Variants in OSCP1 observed in about 807,000 individuals in gnomAD.
OSCP1 encodes organic solute carrier partner 1, also known as protein OSCP1.
A neutral mutation model predicts 45.1 loss-of-function variants in OSCP1; 35 were observed. That is an observed-to-expected ratio of 0.78 (90% confidence interval 0.59 to 1.03). OSCP1 has a LOEUF of 1.03. Among genes scored for constraint, OSCP1 ranks in the 50% least tolerant of loss-of-function variants. The pLI is 0.00. For synonymous variants in OSCP1, 179 were observed against 180.1 expected, an observed-to-expected ratio of 0.99 and a Z score of 0.05; for missense variants, 400 against 470.7, an observed-to-expected ratio of 0.85 and a Z score of 1.39.
At chr1:36,442,078 T>G (rs917472941) in intron 1 of OSCP1, among the ~76,000 whole-genome samples, 3 of 151,910 alleles carry the variant, frequency 2.0e-5, no homozygotes, top group Non-Finnish European at 4.4e-5. Flanking sequence ...AAATACAAAA[T>G]TAGCCAGGCG....
rs1649054120 is a variant in OSCP1 at position 36,440,403 on chromosome 1, G to A, written c.113-1493C>T. 2.6e-5 allele frequency among the ~76,000 whole-genome samples: 4 copies of A among 152,136 alleles called. No homozygotes were observed. In the South Asian group the frequency reaches 6.2e-4, roughly 24 times the overall value. ...ATACATCCCCAACACACACACCCCC[G>A]GTGACACAAATGAACTGACTGTGGC... On this transcript the variant is annotated intron_variant, in intron 1 of 9. Transcript: ENST00000235532.
At chr1:36,426,644 G>T (rs1647979348) in intron 4 of OSCP1, among the ~76,000 whole-genome samples, 4 of 152,110 alleles carry the variant, frequency 2.6e-5, no homozygotes, top group African/African-American at 9.7e-5. Flanking sequence ...ACTGTTTTCT[G>T]CCTGCCCCAC....
chr1:36,441,104 G>C (rs1557565333), intron 1 of OSCP1: 1 of 152,236 alleles, frequency 6.6e-6, no homozygotes, highest in Non-Finnish European at 1.5e-5. Context: ...CATGGCTCCT[G>C]GCGCCAGCAT....
chr1:36,446,797 C>T (rs973694906), intron 1 of OSCP1, among the ~76,000 whole-genome samples: 1 of 152,196 alleles, frequency 6.6e-6, no homozygotes, highest in African/African-American at 2.4e-5. Flanking sequence ...CCTCAGTTTC[C>T]TCTCCTGTAA....
intron 4 of OSCP1, among the ~76,000 whole-genome samples, chr1:36,431,382 A>AGGGAT (rs1451349732): frequency 6.6e-6 from 1 of 151,950 alleles, no homozygotes; most frequent in African/African-American, 2.4e-5. Context: ...AGGGAAGGGA[A>AGGGAT]GCCCAGGATG....
rs1311113422 is a variant in OSCP1, at chr1:36,441,700, G to A, written c.113-2790C>T. On this transcript the variant is annotated intron_variant, in intron 1 of 9. Coordinates refer to ENST00000235532, the MANE Select transcript of OSCP1 (RefSeq NM_145047.5). ...CGGGAGGCGGAGCTTGCGGTGAACC[G>A]AGATCGCGCCACTGAACTCCAGCCT... 6.7e-5 allele frequency among the ~76,000 whole-genome samples: 9 copies of A among 133,924 alleles called. No homozygotes were observed. The East Asian group carries it at 2.0e-3, about 30-fold the overall frequency. 87.9% of individuals were successfully genotyped at this position (133,924 alleles called of 152,430 possible).
chr1:36,423,542 C>G, intron 4 of OSCP1, 76 bp from the exon 5 acceptor site: 1 of 1,203,714 alleles, frequency 8.3e-7, no homozygotes, highest in Non-Finnish European at 1.2e-6. Flanking sequence ...GTGGAAAGTG[C>G]GTAATGGTTT....
intron 8 of OSCP1, 144 bp from the exon 9 acceptor site, chr1:36,419,198 A>C (rs1388003084): frequency 2.7e-6 from 2 of 727,540 alleles, no homozygotes; most frequent in Non-Finnish European, 4.9e-6. Context: ...TCTCCCACCA[A>C]TGTACCCTAC....
intron 4 of OSCP1, among the ~76,000 whole-genome samples, chr1:36,427,018 T>TG (rs1648006319): frequency 6.6e-6 from 1 of 150,610 alleles, no homozygotes. Flanking sequence ...TTTTTTTTTT[T>TG]GAGATGGAGT....
rs367886402 is a variant in OSCP1, at chr1:36,447,111, C to T, written c.112+3147G>A. On this transcript the variant is annotated intron_variant, in intron 1 of 9. Transcript: ENST00000235532. This position sits in a 1 kb window ranked among gnomAD's most constrained non-coding sequence, Gnocchi z 4.1. ...GAAATATGATTTCCACTCAAAGCTT[C>T]GAAGAGGACTAGTTTACCAAGTCTA... Among the ~76,000 whole-genome samples the T allele has an allele frequency of 2.0e-5, 3 of 152,072 alleles. No individual in the cohort carries two copies. The highest frequency in any genetic ancestry group is 1.9e-4 in the East Asian group (1 of 5,200).
rs151147935 is a variant in OSCP1, at chr1:36,418,185, C to G, written c.1094G>C (p.Ser365Thr). Reference sequence around the variant, plus strand: ...GAGCAAATCGTCCCCTTTGCTGGTGCTCAGCCTTGGCTGCTCCGTGATCTC... The same window carrying G: ...GAGCAAATCGTCCCCTTTGCTGGTGGTCAGCCTTGGCTGCTCCGTGATCTC... ...EFEITEQPRL[S>T]TSKGDDLLAM... Residue 365 changes from serine to threonine, a missense_variant, in exon 10 of 10, where the codon AGC (serine) becomes ACC (threonine). Transcript: ENST00000235532. 1.2e-6 allele frequency: 2 copies of G among 1,614,218 alleles called. No homozygotes were observed. The highest frequency in any genetic ancestry group is 1.7e-6 in the Non-Finnish European group (2 of 1,180,036).
chr1:36,447,566 C>A lies in OSCP1; in HGVS notation c.112+2692G>T, dbSNP rs1256259797. Among the ~76,000 whole-genome samples, 1 of 152,182 alleles carries A rather than the reference C, an allele frequency of 6.6e-6. No homozygotes were observed. Among genetic ancestry groups the A allele is most frequent in the Non-Finnish European group, 1.5e-5 (1 of 68,026 alleles). ...CATTGGCTGAGTATGAACTTTGGAG[C>A]CTGATGCCTTGGGCTCAAATCCTTT... On this transcript the variant is annotated intron_variant, in intron 1 of 9. Coordinates refer to ENST00000235532, the MANE Select transcript of OSCP1 (RefSeq NM_145047.5). This position sits in a 1 kb window ranked among gnomAD's most constrained non-coding sequence, Gnocchi z 4.1.
chr1:36,419,556 C>T (rs1647485956), intron 8 of OSCP1, among the ~76,000 whole-genome samples: 1 of 152,230 alleles, frequency 6.6e-6, no homozygotes, highest in South Asian at 2.1e-4. Context: ...GACACTCACG[C>T]CAAATACTTG....
intron 2 of OSCP1, among the ~76,000 whole-genome samples, chr1:36,435,671 T>C (rs532164753): frequency 6.6e-6 from 1 of 152,170 alleles, no homozygotes; most frequent in Non-Finnish European, 1.5e-5. Flanking sequence ...TTGCTCTTTT[T>C]GCCCAGGCTG....
intron 1 of OSCP1, among the ~76,000 whole-genome samples, chr1:36,446,649 T>C (rs905472100): frequency 6.6e-6 from 1 of 152,132 alleles, no homozygotes; most frequent in Non-Finnish European, 1.5e-5. Context: ...CTGTTTTGAG[T>C]GGGGGCAGGC....
chr1:36,418,762 CA>C (rs34581789), intron 9 of OSCP1, among the ~76,000 whole-genome samples: 73,227 of 136,544 alleles, frequency 0.54, 19,080 homozygotes, highest in Middle Eastern at 0.68. Context: ...ACTAAAAATA[CA>C]AAAAAAAAAA....
At position 36,432,710 on chromosome 1, in the gene OSCP1, G is replaced by A. The variant is rs1648455868; in HGVS notation, c.268-121C>T. 11 of 1,122,758 alleles carry A rather than the reference G, an allele frequency of 9.8e-6. 1 individual carries two copies. The highest frequency in any genetic ancestry group is 9.2e-5 in the South Asian group (7 of 75,984). 69.5% of individuals were successfully genotyped at this position (1,122,758 alleles called of 1,614,324 possible). On this transcript the variant is annotated intron_variant, in intron 2 of 9. Transcript: ENST00000235532. ...CAACTCTGGGCTTGCCATACAGCTC[G>A]GGGGACCATATCACTTATCACCCAA... is the stretch of plus-strand genomic sequence containing the variant.
chr1:36,417,991 C>G lies in OSCP1; in HGVS notation c.*148G>C. ...GTGAGTGCTCCTCAAGGGAGACTCA[C>G]ACAGTTCCTTACAACATAAATAAGA... On this transcript the variant is annotated 3_prime_UTR_variant, in exon 10 of 10. Transcript: ENST00000235532. 1 of 612,090 alleles carries G rather than the reference C, an allele frequency of 1.6e-6. No individual in the cohort carries two copies. The highest frequency in any genetic ancestry group is 2.8e-6 in the Non-Finnish European group (1 of 351,258). 37.9% of individuals were successfully genotyped at this position (612,090 alleles called of 1,614,324 possible).
chr1:36,423,501 G>A, intron 4 of OSCP1, 35 bp from the exon 5 acceptor site: 1 of 1,521,980 alleles, frequency 6.6e-7, no homozygotes, highest in Non-Finnish European at 9.1e-7. Flanking sequence ...ATTTTTCTTG[G>A]TATATTTTCA....
Sources: gnomAD v4.1 joint callset for allele counts (sites outside exome capture counted in the v4.1 genomes callset) on GRCh38, gnomAD v4.1.1 for gene constraint, Gnocchi (gnomAD v3.1) non-coding constraint, MANE v1.5 for transcripts, NCBI Gene and HGNC (gene_info 2026-07-23, HGNC 2026-07-21) for gene names.